The following COL6A6 variants were observed in gnomAD, a reference collection of about 807,000 sequenced individuals.
The protein encoded by COL6A6 is collagen alpha-6(VI) chain.
A neutral mutation model predicts 208.6 loss-of-function variants in COL6A6; 183 were observed. The observed-to-expected ratio is 0.88, with a 90% CI of 0.78 to 0.99. The LOEUF (loss-of-function observed/expected upper bound fraction) is 0.99, where lower values mean the gene tolerates loss of function less well. COL6A6 is among the 50% of genes least tolerant of loss of function. The probability of loss-of-function intolerance (pLI) is 0.00; values close to 1 mark genes in which losing one functional copy is unlikely to be tolerated. For missense variants in COL6A6, 2,816 were observed against 2,815.2 expected, an observed-to-expected ratio of 1.00 and a Z score of -0.01; for synonymous variants, 973 against 1,011.8, an observed-to-expected ratio of 0.96 and a Z score of 0.73.
Position 130,628,837 on chromosome 3 carries a change from C to G in COL6A6, c.4992+1468C>G, listed in dbSNP as rs1386967936. Among the ~76,000 whole-genome samples, 2 of 82,916 alleles carry G rather than the reference C, an allele frequency of 2.4e-5. 1 individual carries two copies. The highest frequency in any genetic ancestry group is 4.0e-5 in the Non-Finnish European group (2 of 49,810). The allele number at this position is 82,916 out of a possible 152,430, so 54.4% of individuals were successfully genotyped here. On this transcript the variant is annotated intron_variant, in intron 26 of 36. Transcript: ENST00000358511. ...CATCTGAGACCTGCAGCTGAGGGTC[C>G]TGTCTGTTAGAAGGAAAACTAACAA...
intron 21 of COL6A6, among the ~76,000 whole-genome samples, chr3:130,608,071 T>G (rs2064239570): frequency 6.6e-6 from 1 of 152,120 alleles, no homozygotes; most frequent in Non-Finnish European, 1.5e-5. Flanking sequence ...ACTAATCTCA[T>G]TCAAGAGGAT....
chr3:130,637,728 AT>A (rs1045356559), intron 28 of COL6A6, among the ~76,000 whole-genome samples: 15 of 151,052 alleles, frequency 9.9e-5, no homozygotes, highest in East Asian at 7.8e-4. Flanking sequence ...CTTCACCTTG[AT>A]TTTTTTTTCC....
At chr3:130,610,617 C>CA (rs2064326536) in intron 22 of COL6A6, 32 bp from the exon 23 acceptor site, 3 of 1,496,266 alleles carry the variant, frequency 2.0e-6, no homozygotes, top group Non-Finnish European at 2.7e-6. Context: ...CTCTTTTAGG[C>CA]AAAAAATAAT....
chr3:130,561,488 A>G (rs1261899099), intron 2 of COL6A6, among the ~76,000 whole-genome samples: 1 of 152,244 alleles, frequency 6.6e-6, no homozygotes, highest in Non-Finnish European at 1.5e-5. Context: ...AATAACACAC[A>G]GGTCTGCCAA....
rs1423216178 is a variant in COL6A6, at chr3:130,568,184, A to G, written c.1981A>G (p.Ile661Val). ...TCAGATTGGACCAGATCGGGTGCAA[A>G]TTGGTGTAGTCCAGTTCAGCGACAT... ...KSQIGPDRVQ[I>V]GVVQFSDINK... Residue 661 changes from isoleucine to valine, a missense_variant, in exon 6 of 37, where the codon ATT (isoleucine) becomes GTT (valine). Transcript: ENST00000358511. The G allele has an allele frequency of 2.5e-6, 4 of 1,613,998 alleles. No individual in the cohort carries two copies. The highest frequency in any genetic ancestry group is 3.4e-6 in the Non-Finnish European group (4 of 1,179,888).
chr3:130,612,090 A>G (rs146784532), intron 23 of COL6A6, among the ~76,000 whole-genome samples: 5,220 of 152,186 alleles, frequency 0.034, 336 homozygotes, highest in African/African-American at 0.12. Flanking sequence ...AGCTTCATCT[A>G]TGTTGCTGCA....
intron 29 of COL6A6, among the ~76,000 whole-genome samples, chr3:130,642,261 G>C (rs1196584488): frequency 6.6e-6 from 1 of 151,416 alleles, no homozygotes; most frequent in South Asian, 2.1e-4. Flanking sequence ...GTGTGTGTGT[G>C]TGTGTGTGTG....
At chr3:130,570,321 C>G (rs988148469) in intron 6 of COL6A6, among the ~76,000 whole-genome samples, 1 of 152,210 alleles carries the variant, frequency 6.6e-6, no homozygotes, top group Non-Finnish European at 1.5e-5. Context: ...TTTGAAAAGT[C>G]AGCCATCAGA....
rs564593545 is a variant in COL6A6, at chr3:130,653,301, T to A, written c.5733+3739T>A. ...GTGGCGTCGCAGCTAAGAGGAAAAT[T>A]AAGTGTAGTCTTTGACATTATAGAT... On this transcript the variant is annotated intron_variant, in intron 33 of 36. Coordinates refer to ENST00000358511, the MANE Select transcript of COL6A6 (RefSeq NM_001102608.3). Among the ~76,000 whole-genome samples the A allele has an allele frequency of 1.5e-3, 227 of 152,276 alleles. 1 individual carries two copies. The highest frequency in any genetic ancestry group is 3.0e-3 in the Non-Finnish European group (206 of 68,026).
rs1041616305 is a variant in COL6A6, at chr3:130,581,196, C to T, written c.3548-365C>T. ...TTGTAATTTAATATTTGTTGAATGACCTCAATTGATAAGTAGCATTATATG... is the reference window on the plus strand; with the variant it reads ...TTGTAATTTAATATTTGTTGAATGATCTCAATTGATAAGTAGCATTATATG... On this transcript the variant is annotated intron_variant, in intron 8 of 36. Coordinates refer to ENST00000358511, the MANE Select transcript of COL6A6 (RefSeq NM_001102608.3). 1.6e-4 allele frequency among the ~76,000 whole-genome samples: 24 copies of T among 152,066 alleles called. 1 individual carries two copies. Among genetic ancestry groups the T allele is most frequent in the Admixed American group, 7.2e-4 (11 of 15,282 alleles).
At chr3:130,579,569 C>A (rs1174514836) in intron 8 of COL6A6, among the ~76,000 whole-genome samples, 1 of 152,324 alleles carries the variant, frequency 6.6e-6, no homozygotes, top group Admixed American at 6.5e-5. Flanking sequence ...GCCAGTCCTG[C>A]CAATTACCTT....
chr3:130,520,285 G>A (rs1279895641), intron 1 of COL6A6, among the ~76,000 whole-genome samples: 1 of 152,194 alleles, frequency 6.6e-6, no homozygotes, highest in Admixed American at 6.5e-5. Flanking sequence ...GTTACCAAAA[G>A]CTACGCTAAG....
chr3:130,527,890 CTTTTTTTTTTTTTTT>C (rs56110472), intron 1 of COL6A6, among the ~76,000 whole-genome samples: 4 of 57,814 alleles, frequency 6.9e-5, no homozygotes, highest in African/African-American at 1.2e-4. Flanking sequence ...GTTACTTTTC[CTTTTTTTTTTTTTTT>C]TTTTTTTTTT....
chr3:130,603,367 C>G (rs114436014), intron 20 of COL6A6, among the ~76,000 whole-genome samples: 287 of 152,264 alleles, frequency 1.9e-3, no homozygotes, highest in African/African-American at 6.5e-3. Flanking sequence ...AGGGAGGGTA[C>G]TAAATCCCCC....
rs746948379 is a variant in COL6A6 at position 130,649,091 on chromosome 3, C to T, written c.5262C>T (p.His1754=). 3.8e-6 allele frequency: 6 copies of T among 1,571,184 alleles called. No homozygotes were observed. Among genetic ancestry groups the T allele is most frequent in the African/African-American group, 1.4e-5 (1 of 73,722 alleles). ...TAGGAAAACCGGAATGCCCAGTGCA[C>T]CCAACCGAGTTGGTGTTTGCCCTGG... ...GRHGKPECPV[H]PTELVFALDH... Residue 1754 remains histidine (H), a synonymous_variant, in exon 33 of 37, where the codon CAC becomes CAT. Transcript: ENST00000358511.
In COL6A6 at chr3:130,635,706, T is replaced by C. The variant is rs199664718; in HGVS notation, c.5036T>C (p.Ile1679Thr). Residue 1679 changes from isoleucine to threonine, a missense_variant, in exon 28 of 37, where the codon ATT becomes ACT. Physicochemically the swap from Ile to Thr is moderately conservative, Grantham distance 89 (BLOSUM62 -1). Transcript: ENST00000358511. ...TTTAATAAATGTATTTAGGGTGAGA[T>C]TGGGGACCCTGGTGGTCCAGGAGAG... ...FPGESGPKGE[I>T]GDPGGPGETG... is the part of the protein sequence containing the mutation. 252 of 1,608,198 alleles carry C rather than the reference T, an allele frequency of 1.6e-4. No homozygotes were observed. Among genetic ancestry groups the C allele is most frequent in the Middle Eastern group, 6.6e-4 (4 of 6,072 alleles).
In COL6A6 at chr3:130,658,679, G is replaced by A; in HGVS notation, c.5737G>A (p.Asp1913Asn). 6.2e-7 allele frequency: 1 copy of A among 1,610,822 alleles called. No individual in the cohort carries two copies. Among genetic ancestry groups the A allele is most frequent in the Non-Finnish European group, 8.5e-7 (1 of 1,177,988 alleles). ...CTGCTGCTTCTGCTTCTTTTAGATTGACGACACTGGCACATTTCAAGTAAT... is the reference window on the plus strand; with the variant it reads ...CTGCTGCTTCTGCTTCTTTTAGATTAACGACACTGGCACATTTCAAGTAAT... ...VPSVRRAFAI[D>N]DTGTFQVIVV... is the part of the protein sequence containing the mutation. The change falls in exon 34 of 37, where the codon GAC (aspartate) becomes AAC (asparagine). Residue 1913 changes from aspartate to asparagine, a missense_variant. Coordinates refer to ENST00000358511, the MANE Select transcript of COL6A6 (RefSeq NM_001102608.3).
At chr3:130,595,840 A>C (rs1452919753) in intron 18 of COL6A6, among the ~76,000 whole-genome samples, 1 of 152,200 alleles carries the variant, frequency 6.6e-6, no homozygotes, top group Admixed American at 6.5e-5. Flanking sequence ...TTTCTGGATT[A>C]TAATGTGTAT....
rs201892096 is a variant in COL6A6, at chr3:130,621,845, G to T, written c.4840G>T (p.Ala1614Ser). 137 of 1,613,878 alleles carry T rather than the reference G, an allele frequency of 8.5e-5. No homozygotes were observed. In the African/African-American group the frequency reaches 1.6e-3, roughly 19 times the overall value. ...PQGPPGPGGEAGNQGRLGSQG... is the reference protein window; with the variant it reads ...PQGPPGPGGESGNQGRLGSQG... Reference sequence around the variant, plus strand: ...GGGGCCTCCAGGACCCGGAGGAGAGGCAGGGAATCAAGGCCGTTTGGGAAG... The same window carrying T: ...GGGGCCTCCAGGACCCGGAGGAGAGTCAGGGAATCAAGGCCGTTTGGGAAG... Residue 1614 changes from alanine (A) to serine (S), a missense_variant, in exon 24 of 37, where the codon GCA (alanine) becomes TCA (serine). By Grantham distance (99) the Ala-to-Ser change is moderately conservative (BLOSUM62 1). Coordinates refer to ENST00000358511, the MANE Select transcript of COL6A6 (RefSeq NM_001102608.3).
Sources: gnomAD v4.1 joint callset for allele counts (sites outside exome capture counted in the v4.1 genomes callset) on GRCh38, gnomAD v4.1.1 for gene constraint, MANE v1.5 for transcripts, NCBI Gene and HGNC (gene_info 2026-07-23, HGNC 2026-07-21) for gene names.